MACROD2: variants seen among roughly 807,000 people sequenced by gnomAD.
The protein encoded by MACROD2 is mono-ADP ribosylhydrolase 2, also known as ADP-ribose glycohydrolase MACROD2.
MACROD2 carries 36 observed loss-of-function variants against 70.4 expected under a neutral mutation model. The ratio of observed to expected loss-of-function variants is 0.51; its 90% CI spans 0.39 to 0.68. The LOEUF is 0.68. Ranked by LOEUF, MACROD2 falls within the 30% of genes least tolerant of loss-of-function variation. The pLI is 0.00. For synonymous variants in MACROD2, 172 were observed against 178.8 expected, an observed-to-expected ratio of 0.96 and a Z score of 0.30; for missense variants, 496 against 538.4, an observed-to-expected ratio of 0.92 and a Z score of 0.78.
intron 13 of MACROD2, among the ~76,000 whole-genome samples, chr20:15,972,301 G>GA (rs1403383719): frequency 6.6e-6 from 1 of 152,046 alleles, no homozygotes; most frequent in Admixed American, 6.6e-5. Context: ...GAAAGGGACA[G>GA]AAAAAATATT....
intron 4 of MACROD2, among the ~76,000 whole-genome samples, chr20:14,561,006 A>C (rs1367361222): frequency 1.3e-5 from 2 of 151,860 alleles, no homozygotes; most frequent in African/African-American, 4.8e-5. Flanking sequence ...TAACAGATGG[A>C]CTGTCAGATC....
chr20:15,160,179 C>T (rs751064797), intron 5 of MACROD2, among the ~76,000 whole-genome samples: 8 of 151,770 alleles, frequency 5.3e-5, no homozygotes, highest in Admixed American at 1.3e-4. Flanking sequence ...AAAGATGGGA[C>T]GGTGACGATA....
intron 4 of MACROD2, among the ~76,000 whole-genome samples, chr20:14,587,226 A>G (rs1238363725): frequency 2.6e-5 from 4 of 151,906 alleles, no homozygotes; most frequent in African/African-American, 7.2e-5. Context: ...ACCTTGATAT[A>G]TAGAAATATC....
At chr20:14,141,315 TA>T (rs1424759240) in intron 3 of MACROD2, among the ~76,000 whole-genome samples, 1 of 152,234 alleles carries the variant, frequency 6.6e-6, no homozygotes, top group African/African-American at 2.4e-5. Context: ...GCAGTATGGT[TA>T]AAAGCATAGG....
At chr20:15,779,779 T>G (rs1439781377) in intron 8 of MACROD2, among the ~76,000 whole-genome samples, 2 of 152,234 alleles carry the variant, frequency 1.3e-5, no homozygotes, top group African/African-American at 4.8e-5. Context: ...TAACTTCCAT[T>G]ATTGTAGAAA....
intron 8 of MACROD2, among the ~76,000 whole-genome samples, chr20:15,521,291 A>G (rs1452553834): frequency 6.6e-6 from 1 of 152,200 alleles, no homozygotes; most frequent in Non-Finnish European, 1.5e-5. Flanking sequence ...TTCCATTAAT[A>G]ATAAAGACAT....
chr20:14,981,450 A>G (rs889823951), intron 5 of MACROD2, among the ~76,000 whole-genome samples: 68 of 65,356 alleles, frequency 1.0e-3, no homozygotes, highest in African/African-American at 3.6e-3. Flanking sequence ...ATATATATAT[A>G]TATGTGTGTG....
At chr20:14,884,269 G>A (rs553452737) in intron 5 of MACROD2, 11 of 152,284 alleles carry the variant, frequency 7.2e-5, no homozygotes, top group African/African-American at 2.4e-4. Context: ...TAAAACAATT[G>A]CAATTATTTA....
At chr20:15,663,596 A>G (rs765006607) in intron 8 of MACROD2, among the ~76,000 whole-genome samples, 25 of 151,610 alleles carry the variant, frequency 1.6e-4, no homozygotes, top group Admixed American at 8.5e-4. Context: ...AACAATTAAA[A>G]ACTTGGAAAA....
At position 14,290,496 on chromosome 20, in the gene MACROD2, A is replaced by G. The variant is rs2082377053; in HGVS notation, c.272-202983A>G. Among the ~76,000 whole-genome samples the G allele has an allele frequency of 2.0e-5, 3 of 146,578 alleles. No homozygotes were observed. The Admixed American group carries it at 2.1e-4, about 10-fold the overall frequency. ...GGGATGGAATCTCAGGAGACTGACC[A>G]AGGTAGCTGTATTTTTTTTTTTTTT... is the stretch of plus-strand genomic sequence containing the variant. On this transcript the variant is annotated intron_variant, in intron 3 of 17. Coordinates refer to ENST00000684519, the MANE Select transcript of MACROD2 (RefSeq NM_001351661.2).
intron 8 of MACROD2, among the ~76,000 whole-genome samples, chr20:15,648,588 C>T (rs1167120283): frequency 6.6e-6 from 1 of 152,120 alleles, no homozygotes; most frequent in African/African-American, 2.4e-5. Flanking sequence ...AATAGTGTAA[C>T]ATTAGGGACT....
chr20:14,292,748 C>T (rs554063403), intron 3 of MACROD2, among the ~76,000 whole-genome samples: 6 of 151,912 alleles, frequency 3.9e-5, no homozygotes, highest in African/African-American at 1.5e-4. Flanking sequence ...GATTCTCCTG[C>T]CTTAGCCTCT....
intron 15 of MACROD2, among the ~76,000 whole-genome samples, chr20:15,991,027 A>G (rs1364974096): frequency 6.8e-6 from 1 of 147,658 alleles, no homozygotes; most frequent in East Asian, 2.0e-4. Flanking sequence ...TACCCTATTG[A>G]TAAAAATATA....
At chr20:14,095,310 G>C (rs950177372) in intron 3 of MACROD2, among the ~76,000 whole-genome samples, 1 of 152,174 alleles carries the variant, frequency 6.6e-6, no homozygotes. Flanking sequence ...TCAGATGCCA[G>C]TGTGAGAAAC....
At chr20:15,337,235 A>G (rs1445007475) in intron 6 of MACROD2, among the ~76,000 whole-genome samples, 15 of 151,800 alleles carry the variant, frequency 9.9e-5, no homozygotes, top group Admixed American at 9.8e-4. Context: ...TATTGGGCAT[A>G]TAAAGAACAG....
intron 5 of MACROD2, among the ~76,000 whole-genome samples, chr20:14,930,161 C>CAAAA (rs61532850): frequency 3.8e-5 from 4 of 106,438 alleles, no homozygotes; most frequent in Non-Finnish European, 7.6e-5. Context: ...GACTCCGTCT[C>CAAAA]AAAAAAAAAA....
chr20:15,316,019 T>C (rs936869048), intron 6 of MACROD2, among the ~76,000 whole-genome samples: 5 of 151,716 alleles, frequency 3.3e-5, no homozygotes, highest in Admixed American at 3.3e-4. Context: ...AGGATGCTAA[T>C]TATAATTCCC....
chr20:15,493,165 A>C (rs147889238), intron 7 of MACROD2, among the ~76,000 whole-genome samples: 1 of 152,146 alleles, frequency 6.6e-6, no homozygotes, highest in African/African-American at 2.4e-5. Flanking sequence ...TCGCCTGGAC[A>C]TTGGTCTCTA....
chr20:14,199,132 A>C (rs1315743298), intron 3 of MACROD2, among the ~76,000 whole-genome samples: 1 of 152,088 alleles, frequency 6.6e-6, no homozygotes, highest in Non-Finnish European at 1.5e-5. Context: ...GACTTTGAAA[A>C]TTAGTTATCA....
Sources: gnomAD v4.1 joint callset for allele counts (sites outside exome capture counted in the v4.1 genomes callset) on GRCh38, gnomAD v4.1.1 for gene constraint, MANE v1.5 for transcripts, NCBI Gene and HGNC (gene_info 2026-07-23, HGNC 2026-07-21) for gene names.